BBS9: variants seen among roughly 807,000 people sequenced by gnomAD.
BBS9 encodes the protein Bardet-Biedl syndrome 9, also known as protein PTHB1.
In BBS9, 89 loss-of-function variants were observed where a neutral mutation model predicts 117.7. The observed-to-expected ratio is 0.76, with a 90% CI of 0.64 to 0.90. The LOEUF is 0.90. Among genes scored for constraint, BBS9 ranks in the 40% least tolerant of loss-of-function variants. BBS9 has a pLI of 0.00. For missense variants in BBS9, 982 were observed against 1,042.2 expected, an observed-to-expected ratio of 0.94 and a Z score of 0.80; for synonymous variants, 379 against 370.9, an observed-to-expected ratio of 1.02 and a Z score of -0.25.
intron 9 of BBS9, among the ~76,000 whole-genome samples, chr7:33,284,994 T>G (rs192051658): frequency 6.6e-6 from 1 of 152,288 alleles, no homozygotes; most frequent in East Asian, 1.9e-4. Context: ...ATGTTTATAG[T>G]GTTTATTTTG....
rs926870477 is a variant in BBS9, at chr7:33,214,109, G to A, written c.442+36518G>A. Among the ~76,000 whole-genome samples, 5 of 152,302 alleles carry A rather than the reference G, an allele frequency of 3.3e-5. No homozygotes were observed. The East Asian group carries it at 5.8e-4, about 18-fold the overall frequency. On this transcript the variant is annotated intron_variant, in intron 5 of 22. Coordinates refer to ENST00000242067, the MANE Select transcript of BBS9 (RefSeq NM_198428.3). Reference sequence around the variant, plus strand: ...TGCTTTTCATGTGTACCTAGGATCCGAGAGCACTTTGGTTCATGATGGCGA... The same window carrying A: ...TGCTTTTCATGTGTACCTAGGATCCAAGAGCACTTTGGTTCATGATGGCGA...
At chr7:33,465,506 A>G (rs552099080) in intron 19 of BBS9, among the ~76,000 whole-genome samples, 55 of 152,284 alleles carry the variant, frequency 3.6e-4, no homozygotes, top group African/African-American at 1.3e-3. Context: ...AAAAGATAAA[A>G]TGAACACTCT....
At chr7:33,466,321 A>G (rs1463440355) in intron 19 of BBS9, among the ~76,000 whole-genome samples, 1 of 151,866 alleles carries the variant, frequency 6.6e-6, no homozygotes, top group Non-Finnish European at 1.5e-5. Context: ...CACTTCCCCC[A>G]CCTTCCAGCC....
chr7:33,503,258 GCA>G (rs1366040852), intron 19 of BBS9, among the ~76,000 whole-genome samples: 3 of 152,156 alleles, frequency 2.0e-5, no homozygotes, highest in African/African-American at 7.2e-5. Flanking sequence ...CAAAGCTCGA[GCA>G]CAGTTTGCAC....
At chr7:33,281,256 A>G (rs1010481106) in intron 9 of BBS9, among the ~76,000 whole-genome samples, 2 of 151,198 alleles carry the variant, frequency 1.3e-5, no homozygotes, top group Admixed American at 1.3e-4. Context: ...ATTTGTCACT[A>G]TAAAATGACC....
At chr7:33,222,721 G>C (rs1790482127) in intron 5 of BBS9, among the ~76,000 whole-genome samples, 1 of 151,878 alleles carries the variant, frequency 6.6e-6, no homozygotes, top group Non-Finnish European at 1.5e-5. Context: ...GCTGAGGTGG[G>C]TGGATCACTT....
At chr7:33,196,225 C>A (rs890337992) in intron 5 of BBS9, among the ~76,000 whole-genome samples, 1 of 151,954 alleles carries the variant, frequency 6.6e-6, no homozygotes, top group African/African-American at 2.4e-5. Flanking sequence ...GCATCCTTCC[C>A]ACTCTGAGGT....
chr7:33,309,910 C>T (rs1808855472), intron 9 of BBS9, among the ~76,000 whole-genome samples: 1 of 152,096 alleles, frequency 6.6e-6, no homozygotes, highest in Non-Finnish European at 1.5e-5. Flanking sequence ...TAGGGATTCT[C>T]ATAATTAGGA....
chr7:33,545,813 C>A (rs1197479149), intron 21 of BBS9, among the ~76,000 whole-genome samples: 1 of 151,320 alleles, frequency 6.6e-6, no homozygotes, highest in Non-Finnish European at 1.5e-5. Flanking sequence ...TATGTGTATA[C>A]ACTCACTACG....
At chr7:33,429,821 T>G (rs982288698) in intron 19 of BBS9, among the ~76,000 whole-genome samples, 1 of 152,200 alleles carries the variant, frequency 6.6e-6, no homozygotes, top group South Asian at 2.1e-4. Flanking sequence ...AGTAGCTGTT[T>G]AGGAGAATAA....
intron 19 of BBS9, among the ~76,000 whole-genome samples, chr7:33,473,136 A>G (rs187833332): frequency 8.0e-4 from 122 of 152,324 alleles, no homozygotes; most frequent in Middle Eastern, 3.4e-3. Context: ...GTTTTGAAAG[A>G]TTATGTCTTC....
chr7:33,302,777 A>T (rs1471792352), intron 9 of BBS9, among the ~76,000 whole-genome samples: 1 of 152,184 alleles, frequency 6.6e-6, no homozygotes, highest in Non-Finnish European at 1.5e-5. Context: ...TCGTGGTTCC[A>T]TATAAATTGT....
rs531311262 is a variant in BBS9, at chr7:33,239,964, C to T, written c.443-17272C>T. 7.9e-5 allele frequency among the ~76,000 whole-genome samples: 12 copies of T among 152,084 alleles called. No homozygotes were observed. The East Asian group carries it at 1.7e-3, about 22-fold the overall frequency. ...TTTGAGGCTGCAGTGATTGTGCCAC[C>T]GTACTCCAGTCTGGGTGACAGAGCA... is the stretch of plus-strand genomic sequence containing the variant. On this transcript the variant is annotated intron_variant, in intron 5 of 22. Transcript: ENST00000242067.
At chr7:33,197,813 C>A (rs1562781235) in intron 5 of BBS9, among the ~76,000 whole-genome samples, 2 of 151,490 alleles carry the variant, frequency 1.3e-5, no homozygotes, top group Non-Finnish European at 3.0e-5. Flanking sequence ...TAAAAAATTC[C>A]CAATCTTTTT....
chr7:33,437,778 A>G (rs1835520443), intron 19 of BBS9, among the ~76,000 whole-genome samples: 1 of 152,130 alleles, frequency 6.6e-6, no homozygotes, highest in South Asian at 2.1e-4. Flanking sequence ...CAAGAGGCCG[A>G]GGCAGGAGAA....
chr7:33,572,602 C>A lies in BBS9; in HGVS notation c.2522-32263C>A, dbSNP rs139099403. Among the ~76,000 whole-genome samples the A allele has an allele frequency of 1.4e-4, 22 of 152,176 alleles. No homozygotes were observed. The East Asian group carries it at 2.1e-3, about 15-fold the overall frequency. On this transcript the variant is annotated intron_variant, in intron 21 of 22. Coordinates refer to ENST00000242067, the MANE Select transcript of BBS9 (RefSeq NM_198428.3). ...CCTTTCCCCACATCCTCACCAACAT[C>A]TGTTACTTTTTCTCATTTTGATAAA...
rs371550940 is a variant in BBS9, at chr7:33,485,308, G to GTT, written c.2116-20137_2116-20136dup. Among the ~76,000 whole-genome samples the GTT allele has an allele frequency of 2.9e-3, 363 of 127,114 alleles. 1 individual carries two copies. The highest frequency in any genetic ancestry group is 4.1e-3 in the Middle Eastern group (1 of 242). 83.4% of individuals were successfully genotyped at this position (127,114 alleles called of 152,430 possible). ...ATGTACCCTGGAACTTAACATAAAA[G>GTT]TTTTTTTTTTTTTTTTTTTGAGATG... On this transcript the variant is annotated intron_variant, in intron 19 of 22. Coordinates refer to ENST00000242067, the MANE Select transcript of BBS9 (RefSeq NM_198428.3).
At chr7:33,266,137 T>C (rs1798776650) in intron 7 of BBS9, among the ~76,000 whole-genome samples, 1 of 152,210 alleles carries the variant, frequency 6.6e-6, no homozygotes, top group Non-Finnish European at 1.5e-5. Context: ...GCAGTTTTTA[T>C]TGATTACTCC....
chr7:33,369,214 A>T (rs1369171246), intron 17 of BBS9, among the ~76,000 whole-genome samples: 1 of 152,160 alleles, frequency 6.6e-6, no homozygotes, highest in Non-Finnish European at 1.5e-5. Context: ...CCTTGGTTAA[A>T]CTAAAAAAGT....
Sources: allele counts gnomAD v4.1 joint callset (sites outside exome capture counted in the v4.1 genomes callset), GRCh38; gene constraint gnomAD v4.1.1; transcripts MANE v1.5; gene names NCBI Gene and HGNC (gene_info 2026-07-23, HGNC 2026-07-21).